The following NUP93 variants were observed in gnomAD, a reference collection of about 807,000 sequenced individuals.
The protein encoded by NUP93 is nucleoporin 93, also known as nuclear pore complex protein Nup93.
A neutral mutation model predicts 107.8 loss-of-function variants in NUP93; 55 were observed. The ratio of observed to expected loss-of-function variants is 0.51; its 90% CI spans 0.41 to 0.64. The LOEUF is 0.64. Ranked by LOEUF, NUP93 falls within the 30% of genes least tolerant of loss-of-function variation. The pLI is 0.00. For missense variants in NUP93, 937 were observed against 1,044.7 expected (o/e 0.90, Z 1.42); for synonymous variants, 390 against 397.5 (o/e 0.98, Z 0.22).
chr16:56,755,634 G>C (rs1239830255), intron 2 of NUP93, among the ~76,000 whole-genome samples: 1 of 152,164 alleles, frequency 6.6e-6, no homozygotes, highest in Non-Finnish European at 1.5e-5. Context: ...CCAGCACTTT[G>C]GGAGGCTAAG....
intron 3 of NUP93, chr16:56,781,876 A>T (rs766143474): frequency 5.0e-5 from 49 of 985,156 alleles, no homozygotes; most frequent in Non-Finnish European, 5.9e-5. Context: ...GACTTCTCTG[A>T]ATTTGTGTAG....
In NUP93 at chr16:56,815,896, C is replaced by CTGG. The variant is rs1555495734; in HGVS notation, c.490-2765_490-2763dup. ...GCTGCTGCTGCTGCTGCTGCTGCTG[C>CTGG]TGGTGCTGCTGCTGCTGCTGGTGCT... On this transcript the variant is annotated intron_variant, in intron 5 of 21. Coordinates refer to ENST00000308159, the MANE Select transcript of NUP93 (RefSeq NM_014669.5). 9.1e-3 allele frequency among the ~76,000 whole-genome samples: 783 copies of CTGG among 86,172 alleles called. 7 individuals are homozygous for CTGG. Among genetic ancestry groups the CTGG allele is most frequent in the African/African-American group, 0.027 (748 of 27,502 alleles). The allele number at this position is 86,172 out of a possible 152,430, so 56.5% of individuals were successfully genotyped here. A position where few individuals can be genotyped will look rare whatever the true frequency, so the allele number is the denominator to read the frequency against.
Position 56,818,717 on chromosome 16 carries a change from C to G in NUP93, c.543C>G (p.Ile181Met), listed in dbSNP as rs1223422548. The change falls in exon 6 of 22, where the codon ATC becomes ATG. Residue 181 changes from isoleucine (I) to methionine (M), a missense_variant. Physicochemically the swap from Ile to Met is conservative, Grantham distance 10. Transcript: ENST00000308159. ...GPPGRSSLDN[I>M]EMAYARQIYI... ...CTGGTCGAAGCTCTCTGGATAACAT[C>G]GAGATGGCCTATGCGCGGCAAGTGA... 2 of 1,614,090 alleles carry G rather than the reference C, an allele frequency of 1.2e-6. No homozygotes were observed. The highest frequency in any genetic ancestry group is 8.5e-7 in the Non-Finnish European group (1 of 1,179,942).
At chr16:56,825,304 C>T (rs12919839) in intron 8 of NUP93, among the ~76,000 whole-genome samples, 39,477 of 149,976 alleles carry the variant, frequency 0.26, 5,410 homozygotes, top group Non-Finnish European at 0.29. Flanking sequence ...CTCTGCCTCC[C>T]GGGTTCAGGC....
intron 16 of NUP93, among the ~76,000 whole-genome samples, chr16:56,836,259 T>A (rs1243741315): frequency 5.3e-5 from 8 of 152,238 alleles, no homozygotes. Context: ...TCCTGATTTT[T>A]CTCTCTAGTT....
chr16:56,830,631 A>G lies in NUP93; in HGVS notation c.1031A>G (p.Gln344Arg), dbSNP rs747413547. 6.8e-5 allele frequency: 110 copies of G among 1,608,594 alleles called. No individual in the cohort carries two copies. The highest frequency in any genetic ancestry group is 9.1e-5 in the Non-Finnish European group (107 of 1,175,544). The part of the protein sequence containing the change: ...ASQVVNRAQH[Q>R]LGEFKTWFQE... Reference sequence around the variant, plus strand: ...CAGGTAGTTAATCGAGCCCAGCACCAGCTGGGAGAGTTTAAAACCTGGTTC... The same window carrying G: ...CAGGTAGTTAATCGAGCCCAGCACCGGCTGGGAGAGTTTAAAACCTGGTTC... Residue 344 changes from glutamine to arginine, a missense_variant, in exon 10 of 22, where the codon CAG becomes CGG. Transcript: ENST00000308159.
intron 2 of NUP93, among the ~76,000 whole-genome samples, chr16:56,755,071 G>A (rs1335655648): frequency 1.3e-5 from 2 of 152,170 alleles, no homozygotes; most frequent in African/African-American, 4.8e-5. Flanking sequence ...TTGGAAAACA[G>A]TCTGGCATTT....
chr16:56,837,037 C>T (rs1963925601), intron 17 of NUP93, among the ~76,000 whole-genome samples: 1 of 152,160 alleles, frequency 6.6e-6, no homozygotes, highest in Non-Finnish European at 1.5e-5. Flanking sequence ...ATTATGCTGA[C>T]CCTGGCAACC....
At chr16:56,733,426 G>C (rs764383038) in intron 1 of NUP93, among the ~76,000 whole-genome samples, 131 of 139,958 alleles carry the variant, frequency 9.4e-4, no homozygotes, top group Non-Finnish European at 1.7e-3. Flanking sequence ...GGTTTGAGAA[G>C]TAGAGCTTGA....
At chr16:56,808,131 AATATATTTATATAACTATATAT>A (rs1177950571) in intron 5 of NUP93, among the ~76,000 whole-genome samples, 6,584 of 95,418 alleles carry the variant, frequency 0.069, 364 homozygotes, top group East Asian at 0.093. Flanking sequence ...TAACTATATA[AATATATTTATATAACTATATAT>A]AATATATAGT....
chr16:56,771,592 C>T (rs1402202004), intron 3 of NUP93, among the ~76,000 whole-genome samples: 3 of 152,244 alleles, frequency 2.0e-5, no homozygotes, highest in Non-Finnish European at 2.9e-5. Context: ...CCCTCCAGCA[C>T]GAAAGACTTG....
intron 3 of NUP93, among the ~76,000 whole-genome samples, chr16:56,766,047 T>G (rs1306279849): frequency 6.6e-6 from 1 of 152,214 alleles, no homozygotes; most frequent in African/African-American, 2.4e-5. Context: ...GCCAGGGATA[T>G]AAGATTTCAG....
chr16:56,839,038 A>G lies in NUP93; in HGVS notation c.2105A>G (p.Tyr702Cys). The G allele has an allele frequency of 6.2e-7, 1 of 1,613,800 alleles. No individual in the cohort carries two copies. ...GACTTGATCACCTTTTTTGACGAGT[A>G]TCATAGTGGTCATATTGATAGAGCT... ...LLDLITFFDE[Y>C]HSGHIDRAFD... The change falls in exon 19 of 22, where the codon TAT becomes TGT. Residue 702 changes from tyrosine (Y) to cysteine (C), a missense_variant. Tyr to Cys is a radical substitution (Grantham distance 194). Coordinates refer to ENST00000308159, the MANE Select transcript of NUP93 (RefSeq NM_014669.5).
intron 2 of NUP93, among the ~76,000 whole-genome samples, chr16:56,757,955 G>GTA (rs1433890237): frequency 2.6e-5 from 4 of 151,974 alleles, no homozygotes; most frequent in Non-Finnish European, 4.4e-5. Flanking sequence ...GAGTTGTGCT[G>GTA]TACAACCCGG....
rs954731295 is a variant in NUP93, at chr16:56,752,140, G to A, written c.179+3714G>A. On this transcript the variant is annotated intron_variant, in intron 2 of 21. Coordinates refer to ENST00000308159, the MANE Select transcript of NUP93 (RefSeq NM_014669.5). ...ATATATTAAAATTATTTTGGCACTGGATACATTCTTATGTGTCTCTGGTAG... is the reference window on the plus strand; with the variant it reads ...ATATATTAAAATTATTTTGGCACTGAATACATTCTTATGTGTCTCTGGTAG... Among the ~76,000 whole-genome samples the A allele has an allele frequency of 2.0e-5, 3 of 152,114 alleles. No homozygotes were observed. In the East Asian group the frequency reaches 5.8e-4, roughly 29 times the overall value.
chr16:56,850,002 G>A lies in NUP93; in HGVS notation c.*5393G>A, dbSNP rs1399275849. ...CTGTGTATTTTAGAAAGAAAGGAAA[G>A]AGCCAAAGTACAGCCTTTTCTCACT... On this transcript the variant is annotated 3_prime_UTR_variant, in exon 22 of 22. Coordinates refer to ENST00000308159, the MANE Select transcript of NUP93 (RefSeq NM_014669.5). 6.6e-6 allele frequency: 1 copy of A among 152,244 alleles called. No homozygotes were observed. The highest frequency in any genetic ancestry group is 6.5e-5 in the Admixed American group (1 of 15,284). 9.4% of individuals were successfully genotyped at this position (152,244 alleles called of 1,614,324 possible).
intron 5 of NUP93, among the ~76,000 whole-genome samples, chr16:56,818,442 T>C (rs1963477789): frequency 6.6e-6 from 1 of 152,218 alleles, no homozygotes; most frequent in Non-Finnish European, 1.5e-5. Flanking sequence ...CCCTCACTCT[T>C]TTTTAGTTAA....
At chr16:56,753,404 G>C (rs1484180769) in intron 2 of NUP93, among the ~76,000 whole-genome samples, 1 of 152,046 alleles carries the variant, frequency 6.6e-6, no homozygotes, top group Non-Finnish European at 1.5e-5. Context: ...AGAGGATAAA[G>C]GAGCATGTTA....
intron 11 of NUP93, 131 bp downstream of exon 11, chr16:56,832,138 C>G (rs1337969990): frequency 1.6e-6 from 2 of 1,276,330 alleles, no homozygotes; most frequent in African/African-American, 2.9e-5. Context: ...CGTCTCCTGT[C>G]CCCATTTTTT....
Sources: gnomAD v4.1 joint callset for allele counts (sites outside exome capture counted in the v4.1 genomes callset) on GRCh38, gnomAD v4.1.1 for gene constraint, MANE v1.5 for transcripts, NCBI Gene and HGNC (gene_info 2026-07-23, HGNC 2026-07-21) for gene names.